ZMAT4: variants seen among roughly 807,000 people sequenced by gnomAD.
ZMAT4 encodes zinc finger matrin-type protein 4.
In ZMAT4, 17 loss-of-function variants were observed where a neutral mutation model predicts 28.7. That is an observed-to-expected ratio of 0.59 (90% CI 0.41 to 0.89). ZMAT4 has a LOEUF of 0.89. Among genes scored for constraint, ZMAT4 ranks in the 40% least tolerant of loss-of-function variants. ZMAT4 has a pLI of 0.00. For synonymous variants in ZMAT4, 117 were observed against 109.2 expected (o/e 1.07, Z -0.44); for missense variants, 240 against 283.8 (o/e 0.85, Z 1.11).
intron 2 of ZMAT4, chr8:40,786,860 C>T: frequency 1.9e-6 from 1 of 536,908 alleles, no homozygotes; most frequent in South Asian, 1.7e-5. Context: ...TGTTCTAGGC[C>T]CACAAAGAGT....
At chr8:40,623,459 C>G (rs368269139) in intron 5 of ZMAT4, among the ~76,000 whole-genome samples, 131 of 152,324 alleles carry the variant, frequency 8.6e-4, no homozygotes, top group African/African-American at 3.0e-3. Context: ...ACTATGGTAG[C>G]TATATTCAGT....
At position 40,667,787 on chromosome 8, in the gene ZMAT4, T is replaced by G. The variant is rs1448222108; in HGVS notation, c.577+6917A>C. Among the ~76,000 whole-genome samples the G allele has an allele frequency of 2.0e-5, 3 of 150,862 alleles. No individual in the cohort carries two copies. In the South Asian group the frequency reaches 6.3e-4, roughly 31 times the overall value. ...TTATGGATGGAGATCTTCAGATTGG[T>G]TGCTTGCCACTTCAAGATAAATGAA... is the stretch of plus-strand genomic sequence containing the variant. On this transcript the variant is annotated intron_variant, in intron 5 of 6. Coordinates refer to ENST00000297737, the MANE Select transcript of ZMAT4 (RefSeq NM_024645.3).
chr8:40,766,271 C>T (rs762305451), intron 3 of ZMAT4, among the ~76,000 whole-genome samples: 1 of 152,230 alleles, frequency 6.6e-6, no homozygotes, highest in Non-Finnish European at 1.5e-5. Context: ...ATGTCAATCT[C>T]CCATACTACA....
In ZMAT4 at chr8:40,662,464, C is replaced by T. The variant is rs537283237; in HGVS notation, c.577+12240G>A. On this transcript the variant is annotated intron_variant, in intron 5 of 6. Coordinates refer to ENST00000297737, the MANE Select transcript of ZMAT4 (RefSeq NM_024645.3). The stretch of plus-strand genomic sequence containing the variant: ...CTAATTTCCTGCTTGAGTTTGCCCA[C>T]AGTGCATAAATGGATGCAGTAGTGC... 3.3e-5 allele frequency among the ~76,000 whole-genome samples: 5 copies of T among 152,268 alleles called. No homozygotes were observed. The East Asian group carries it at 9.6e-4, about 29-fold the overall frequency.
At chr8:40,539,765 GGT>G (rs750967099) in intron 6 of ZMAT4, among the ~76,000 whole-genome samples, 61 of 152,188 alleles carry the variant, frequency 4.0e-4, no homozygotes, top group Non-Finnish European at 7.6e-4. Flanking sequence ...GAGTTTGTCA[GGT>G]CTTTTTTCCA....
intron 4 of ZMAT4, among the ~76,000 whole-genome samples, chr8:40,678,212 G>A (rs1239078561): frequency 6.6e-6 from 1 of 152,212 alleles, no homozygotes; most frequent in African/African-American, 2.4e-5. Flanking sequence ...TAGTTTTGCT[G>A]TAGGCAATAG....
intron 3 of ZMAT4, among the ~76,000 whole-genome samples, chr8:40,725,214 T>C (rs1428805833): frequency 1.3e-5 from 2 of 152,108 alleles, no homozygotes; most frequent in Non-Finnish European, 2.9e-5. Context: ...CTTAAAAGCA[T>C]AGGTTTTTCA....
intron 2 of ZMAT4, among the ~76,000 whole-genome samples, chr8:40,773,999 G>C (rs1440530553): frequency 6.6e-6 from 1 of 151,928 alleles, no homozygotes; most frequent in Non-Finnish European, 1.5e-5. Context: ...AGAAAACTAG[G>C]AAAATATATT....
Position 40,556,440 on chromosome 8 carries a change from T to G in ZMAT4, c.675-24202A>C, listed in dbSNP as rs1803539325. On this transcript the variant is annotated intron_variant, in intron 6 of 6. Transcript: ENST00000297737. ...CAATTTTTCAATATGAAATCTGGGA[T>G]TGTTTTATACAACTGTCTTTTACTC... 2.0e-5 allele frequency among the ~76,000 whole-genome samples: 3 copies of G among 152,180 alleles called. 1 individual carries two copies. The highest frequency in any genetic ancestry group is 4.4e-5 in the Non-Finnish European group (3 of 68,018).
intron 2 of ZMAT4, among the ~76,000 whole-genome samples, chr8:40,819,773 C>T (rs1272237435): frequency 6.6e-6 from 1 of 152,040 alleles, no homozygotes; most frequent in Non-Finnish European, 1.5e-5. Flanking sequence ...GTTCTTCCCG[C>T]TCTCTTAGGT....
chr8:40,742,524 T>TA (rs1812052409), intron 3 of ZMAT4, among the ~76,000 whole-genome samples: 1 of 151,980 alleles, frequency 6.6e-6, no homozygotes, highest in East Asian at 1.9e-4. Flanking sequence ...AAACAATATT[T>TA]AAAAAACAAT....
chr8:40,878,727 C>T (rs768159914), intron 1 of ZMAT4, among the ~76,000 whole-genome samples: 4 of 152,222 alleles, frequency 2.6e-5, no homozygotes, highest in Admixed American at 6.5e-5. Flanking sequence ...GTTCTCGCCA[C>T]GCAAGGTGCG....
Position 40,835,814 on chromosome 8 carries a change from G to T in ZMAT4, c.-4-10134C>A, listed in dbSNP as rs185917298. On this transcript the variant is annotated intron_variant, in intron 1 of 6. Transcript: ENST00000297737. Reference sequence around the variant, plus strand: ...AGGTTGCTGCAAGTGCTGTCAGTCAGCCAGCAGACATTCTAGTTCCCTTCT... The same window carrying T: ...AGGTTGCTGCAAGTGCTGTCAGTCATCCAGCAGACATTCTAGTTCCCTTCT... 3.3e-3 allele frequency among the ~76,000 whole-genome samples: 498 copies of T among 152,298 alleles called. 4 individuals carry two copies. Among genetic ancestry groups the T allele is most frequent in the Non-Finnish European group, 5.8e-3 (397 of 68,026 alleles).
chr8:40,635,634 G>A (rs2118741951), intron 5 of ZMAT4, among the ~76,000 whole-genome samples: 1 of 152,298 alleles, frequency 6.6e-6, no homozygotes, highest in South Asian at 2.1e-4. Flanking sequence ...TGGTGGCAAT[G>A]TCTCAGACAG....
At chr8:40,566,050 T>C (rs1803914591) in intron 6 of ZMAT4, among the ~76,000 whole-genome samples, 1 of 152,162 alleles carries the variant, frequency 6.6e-6, no homozygotes, top group South Asian at 2.1e-4. Flanking sequence ...TTTATTTACT[T>C]GTCATTTACT....
intron 1 of ZMAT4, among the ~76,000 whole-genome samples, chr8:40,896,750 G>C (rs1382684452): frequency 6.6e-6 from 1 of 152,104 alleles, no homozygotes; most frequent in Non-Finnish European, 1.5e-5. Flanking sequence ...TACTTCAAGA[G>C]CAGTTAGCAG....
intron 2 of ZMAT4, among the ~76,000 whole-genome samples, chr8:40,813,994 C>T (rs951137282): frequency 6.6e-6 from 1 of 151,966 alleles, no homozygotes; most frequent in Non-Finnish European, 1.5e-5. Flanking sequence ...TCCCAGAGGT[C>T]GGGGAGCAGG....
intron 5 of ZMAT4, among the ~76,000 whole-genome samples, chr8:40,604,087 C>T (rs1301664489): frequency 6.6e-6 from 1 of 152,170 alleles, no homozygotes; most frequent in Non-Finnish European, 1.5e-5. Context: ...TGAAACTTTA[C>T]TGAATTCATT....
At chr8:40,810,238 T>C (rs1563499574) in intron 2 of ZMAT4, among the ~76,000 whole-genome samples, 2 of 152,186 alleles carry the variant, frequency 1.3e-5, no homozygotes, top group South Asian at 4.1e-4. Context: ...TGCGGACTTC[T>C]TCAAGTATTC....
Sources: gnomAD v4.1 joint callset for allele counts (sites outside exome capture counted in the v4.1 genomes callset) on GRCh38, gnomAD v4.1.1 for gene constraint, MANE v1.5 for transcripts, NCBI Gene and HGNC (gene_info 2026-07-23, HGNC 2026-07-21) for gene names.